CSF2RA: variants seen among roughly 807,000 people sequenced by gnomAD.
CSF2RA encodes colony stimulating factor 2 receptor subunit alpha, also known as granulocyte-macrophage colony-stimulating factor receptor subunit alpha.
A neutral mutation model predicts 51.6 loss-of-function variants in CSF2RA; 42 were observed. The ratio of observed to expected loss-of-function variants is 0.81; its 90% CI spans 0.64 to 1.05. CSF2RA has a LOEUF of 1.05. CSF2RA is among the 50% of genes least tolerant of loss of function. CSF2RA has a pLI of 0.00. For missense variants in CSF2RA, 530 were observed against 501.1 expected, an observed-to-expected ratio of 1.06 and a Z score of -0.55; for synonymous variants, 222 against 193.0, an observed-to-expected ratio of 1.15 and a Z score of -1.24.
At chrX:1,308,678 C>T (rs1188133618) in intron 12 of CSF2RA, among the ~76,000 whole-genome samples, 1 of 152,122 alleles carries the variant, frequency 6.6e-6, no homozygotes, top group Non-Finnish European at 1.5e-5. Context: ...ATCTGTCATT[C>T]CATTACCTTC....
chrX:1,314,763 A>G (rs867754732), downstream of CSF2RA, among the ~76,000 whole-genome samples: 13 of 18,020 alleles, frequency 7.2e-4, no homozygotes, highest in South Asian at 1.7e-3. Flanking sequence ...ATCCCACTGC[A>G]CCTGCCCAAT....
intron 10 of CSF2RA, 47 bp from the exon 11 acceptor site, chrX:1,303,876 T>G (rs1370019128): frequency 6.9e-7 from 1 of 1,458,400 alleles, no homozygotes; most frequent in Non-Finnish European, 9.6e-7. Flanking sequence ...TCCTTTCACA[T>G]GTCCGTCAAC....
At chrX:1,273,272 A>G (rs1391973980) in intron 1 of CSF2RA, among the ~76,000 whole-genome samples, 3 of 42,842 alleles carry the variant, frequency 7.0e-5, no homozygotes, top group South Asian at 6.3e-4. Flanking sequence ...CAAGACAGAG[A>G]AAAAAAACAA....
intron 2 of CSF2RA, among the ~76,000 whole-genome samples, chrX:1,275,363 C>G (rs1466534733): frequency 6.6e-6 from 1 of 151,494 alleles, no homozygotes; most frequent in East Asian, 2.0e-4. Context: ...TGCACTCCAG[C>G]CTGGGCAACA....
Position 1,271,366 on chromosome X carries a change from G to A in CSF2RA, c.-91+2487G>A, listed in dbSNP as rs1289642949. Among the ~76,000 whole-genome samples, 7 of 57,250 alleles carry A rather than the reference G, an allele frequency of 1.2e-4. 1 individual carries two copies. Among genetic ancestry groups the A allele is most frequent in the South Asian group, 5.0e-4 (1 of 1,990 alleles). 37.6% of individuals were successfully genotyped at this position (57,250 alleles called of 152,430 possible). On this transcript the variant is annotated intron_variant, in intron 1 of 12. Transcript: ENST00000381529. ...TTTTTTTTTTTTTTTTGGAGACAGC[G>A]TCTTGCTCTGTCGCCCAGGCTGGAG...
chrX:1,306,497 A>G (rs1569512302), intron 12 of CSF2RA, among the ~76,000 whole-genome samples: 1 of 151,968 alleles, frequency 6.6e-6, no homozygotes, highest in Non-Finnish European at 1.5e-5. Flanking sequence ...AATTGCAAAA[A>G]TTAGCCAGGT....
At chrX:1,308,822 G>C (rs1307929492) in intron 12 of CSF2RA, among the ~76,000 whole-genome samples, 1 of 152,130 alleles carries the variant, frequency 6.6e-6, no homozygotes, top group Non-Finnish European at 1.5e-5. Flanking sequence ...CAGGGGCTTA[G>C]CACCTGCTGT....
At chrX:1,315,616 G>C in the CSF2RA span, among the ~76,000 whole-genome samples, 3 of 152,034 alleles carry the variant, frequency 2.0e-5, no homozygotes, top group Non-Finnish European at 2.9e-5. Flanking sequence ...TGTTGGCCAG[G>C]CTGGTCTCGA....
rs56960778 is a variant in CSF2RA, at chrX:1,305,473, G to T, written c.1071G>T (p.Pro357=). 107 of 1,613,784 alleles carry T rather than the reference G, an allele frequency of 6.6e-5. No homozygotes were observed. Among genetic ancestry groups the T allele is most frequent in the African/African-American group, 2.7e-4 (20 of 74,886 alleles). ...TCCTTAGGATACAGCGGCTGTTCCCGCCAGTTCCACAGATCAAAGACAAAC... is the reference window on the plus strand; with the variant it reads ...TCCTTAGGATACAGCGGCTGTTCCCTCCAGTTCCACAGATCAAAGACAAAC... ...KRFLRIQRLF[P]PVPQIKDKLN... The change falls in exon 12 of 13, where the codon CCG becomes CCT. Residue 357 remains proline (P), a synonymous_variant. Coordinates refer to ENST00000381529, the MANE Select transcript of CSF2RA (RefSeq NM_172245.4).
chrX:1,321,756 C>G, the CSF2RA span, among the ~76,000 whole-genome samples: 1 of 152,148 alleles, frequency 6.6e-6, no homozygotes, highest in Non-Finnish European at 1.5e-5. Flanking sequence ...GCTTCTTCAG[C>G]GTAGCTGAGA....
the CSF2RA span, among the ~76,000 whole-genome samples, chrX:1,323,871 G>A: frequency 2.0e-4 from 30 of 152,068 alleles, no homozygotes; most frequent in South Asian, 1.2e-3. Context: ...AAAATTAGCC[G>A]GGCGTGGTGG....
chrX:1,304,044 C>G lies in CSF2RA; in HGVS notation c.1043+25C>G, dbSNP rs754964092. 12 of 1,594,778 alleles carry G rather than the reference C, an allele frequency of 7.5e-6. No individual in the cohort carries two copies. The Admixed American group carries it at 2.0e-4, about 27-fold the overall frequency. ...GGTAACCTGTGAAACACCTGGGCCT[C>G]CCCAATGAAAACAGGCCAGGCCGGG... is the stretch of plus-strand genomic sequence containing the variant. On this transcript the variant is annotated intron_variant, in intron 11 of 12. Coordinates refer to ENST00000381529, the MANE Select transcript of CSF2RA (RefSeq NM_172245.4).
chrX:1,304,360 A>G (rs74739083), intron 11 of CSF2RA, among the ~76,000 whole-genome samples: 3 of 22,840 alleles, frequency 1.3e-4, no homozygotes, highest in African/African-American at 3.5e-4. Context: ...AGATTGCACC[A>G]CTGCACTCCA....
chrX:1,319,905 G>C, the CSF2RA span, among the ~76,000 whole-genome samples: 1 of 139,456 alleles, frequency 7.2e-6, no homozygotes, highest in African/African-American at 3.1e-5. Flanking sequence ...TTGTTTGTTT[G>C]TTTGTTTTGA....
intron 7 of CSF2RA, among the ~76,000 whole-genome samples, chrX:1,291,835 C>G (rs1239025562): frequency 6.7e-6 from 1 of 149,534 alleles, no homozygotes. Context: ...CAGGAGGAGA[C>G]TGCACCACCT....
At chrX:1,291,563 C>A (rs770171738) in intron 7 of CSF2RA, among the ~76,000 whole-genome samples, 1 of 152,078 alleles carries the variant, frequency 6.6e-6, no homozygotes, top group Admixed American at 6.6e-5. Context: ...GCATCCCACC[C>A]GTGGACTCCT....
At position 1,309,678 on chromosome X, in the gene CSF2RA, G is replaced by A. The variant is rs1192385144; in HGVS notation, c.*199G>A. On this transcript the variant is annotated 3_prime_UTR_variant, in exon 13 of 13. Coordinates refer to ENST00000381529, the MANE Select transcript of CSF2RA (RefSeq NM_172245.4). ...AAGGCAGGCGGATCACCTGAGGTCA[G>A]GAGTTCAAGACCAGCCTGCCCAACA... 8.1e-7 allele frequency: 1 copy of A among 1,228,102 alleles called. No homozygotes were observed. The highest frequency in any genetic ancestry group is 1.2e-5 in the South Asian group (1 of 82,780). The allele number at this position is 1,228,102 out of a possible 1,614,324, so 76.1% of individuals were successfully genotyped here. A position where few individuals can be genotyped will look rare whatever the true frequency, so the allele number is the denominator to read the frequency against.
chrX:1,290,002 G>A (rs1189791078), intron 6 of CSF2RA, among the ~76,000 whole-genome samples: 1 of 70,004 alleles, frequency 1.4e-5, no homozygotes, highest in Non-Finnish European at 3.2e-5. Context: ...TTTGTTTTGT[G>A]TTTTGTGTTT....
the CSF2RA span, among the ~76,000 whole-genome samples, chrX:1,320,310 G>A: frequency 4.6e-5 from 7 of 152,052 alleles, no homozygotes; most frequent in Admixed American, 4.6e-4. Flanking sequence ...TGACAGGCGT[G>A]AGCCATTGCA....
Sources: gnomAD v4.1 joint callset for allele counts (sites outside exome capture counted in the v4.1 genomes callset) on GRCh38, gnomAD v4.1.1 for gene constraint, MANE v1.5 for transcripts, NCBI Gene and HGNC (gene_info 2026-07-23, HGNC 2026-07-21) for gene names.